PCDH15: variants seen among roughly 807,000 people sequenced by gnomAD.
PCDH15 encodes the protein protocadherin related 15.
A neutral mutation model predicts 178.5 loss-of-function variants in PCDH15; 129 were observed. The ratio of observed to expected loss-of-function variants is 0.72; its 90% confidence interval spans 0.63 to 0.84. The LOEUF (loss-of-function observed/expected upper bound fraction) is 0.84, where lower values mean the gene tolerates loss of function less well. Ranked by LOEUF, PCDH15 falls within the 40% of genes least tolerant of loss-of-function variation. The pLI, the probability that PCDH15 is intolerant of heterozygous loss-of-function variation, is 0.00. For missense variants in PCDH15, 2,230 were observed against 2,099.9 expected, an observed-to-expected ratio of 1.06 and a Z score of -1.21; for synonymous variants, 800 against 732.0, an observed-to-expected ratio of 1.09 and a Z score of -1.50.
In PCDH15 at chr10:55,220,774, C is replaced by A. The variant is rs1371316714; in HGVS notation, c.-155-54123G>T. 2.6e-5 allele frequency among the ~76,000 whole-genome samples: 4 copies of A among 151,756 alleles called. 1 individual carries two copies. The highest frequency in any genetic ancestry group is 7.3e-5 in the African/African-American group (3 of 41,250). On this transcript the variant is annotated intron_variant, in intron 1 of 5. Coordinates refer to the PCDH15 transcript ENST00000458638. ...TGTGGCACATAAATGGATATTTTTTCCTATGGATATAAAAATCATATATAT... is the reference window on the plus strand; with the variant it reads ...TGTGGCACATAAATGGATATTTTTTACTATGGATATAAAAATCATATATAT...
At chr10:54,556,003 A>G (rs546297083) in intron 2 of PCDH15, among the ~76,000 whole-genome samples, 1 of 152,236 alleles carries the variant, frequency 6.6e-6, no homozygotes, top group East Asian at 1.9e-4. Context: ...TGTCTAACAG[A>G]AAAATAATTA....
intron 1 of PCDH15, among the ~76,000 whole-genome samples, chr10:55,318,980 A>T: frequency 6.6e-6 from 1 of 152,214 alleles, no homozygotes; most frequent in African/African-American, 2.4e-5. Flanking sequence ...TTTTAAGGTG[A>T]GAATCTTATT....
chr10:55,152,033 G>A (rs1350930539), intron 2 of PCDH15, among the ~76,000 whole-genome samples: 1 of 151,994 alleles, frequency 6.6e-6, no homozygotes, highest in Non-Finnish European at 1.5e-5. Flanking sequence ...GATGTGGATG[G>A]GATGGTAAAA....
At chr10:55,155,181 G>A (rs919015351) in intron 2 of PCDH15, among the ~76,000 whole-genome samples, 1 of 152,106 alleles carries the variant, frequency 6.6e-6, no homozygotes, top group African/African-American at 2.4e-5. Flanking sequence ...TGATAAGTAA[G>A]TGAGACATTA....
At position 53,807,171 on chromosome 10, in the gene PCDH15, A is replaced by AATT. The variant is rs553672001; in HGVS notation, c.4672-44_4672-42dup. On this transcript the variant is annotated intron_variant, in intron 37 of 37. Coordinates refer to ENST00000644397, the MANE Select transcript of PCDH15 (RefSeq NM_001384140.1). ...AAAATATGTGAGTCACTATCAAATA[A>AATT]ATTAAAAAGGCAATGATTACATTGC... The AATT allele has an allele frequency of 1.2e-4, 177 of 1,469,942 alleles. 1 individual carries two copies. The South Asian group carries it at 2.2e-3, about 19-fold the overall frequency. 91.1% of individuals were successfully genotyped at this position (1,469,942 alleles called of 1,614,324 possible).
chr10:54,932,061 A>G (rs1706751), intron 2 of PCDH15, among the ~76,000 whole-genome samples: 20,486 of 152,210 alleles, frequency 0.13, 1,565 homozygotes, highest in East Asian at 0.23. Flanking sequence ...TAATAATGGA[A>G]CTGAAAAATC....
chr10:54,620,023 T>A (rs1223686718), intron 2 of PCDH15, among the ~76,000 whole-genome samples: 1 of 152,012 alleles, frequency 6.6e-6, no homozygotes, highest in Admixed American at 6.6e-5. Flanking sequence ...CATGGGAAAA[T>A]TATATAAAAT....
intron 2 of PCDH15, among the ~76,000 whole-genome samples, chr10:54,607,541 T>A (rs1266044038): frequency 6.6e-6 from 1 of 152,090 alleles, no homozygotes; most frequent in East Asian, 1.9e-4. Context: ...TGTTTATGTT[T>A]TGAACATTAT....
chr10:54,294,864 T>C (rs1323368894), intron 8 of PCDH15, among the ~76,000 whole-genome samples: 1 of 152,218 alleles, frequency 6.6e-6, no homozygotes, highest in African/African-American at 2.4e-5. Flanking sequence ...TTTCATAATA[T>C]ACACTGAAAC....
chr10:54,469,794 G>A (rs2077771809), intron 3 of PCDH15, among the ~76,000 whole-genome samples: 1 of 152,080 alleles, frequency 6.6e-6, no homozygotes, highest in Non-Finnish European at 1.5e-5. Flanking sequence ...AGTAGTGGAG[G>A]GTCAATCCTC....
At chr10:55,095,905 A>G (rs1200832516) in intron 2 of PCDH15, among the ~76,000 whole-genome samples, 5 of 152,058 alleles carry the variant, frequency 3.3e-5, no homozygotes, top group Non-Finnish European at 7.4e-5. Context: ...TAAGTGATTA[A>G]TTGAAAAATC....
intron 9 of PCDH15, among the ~76,000 whole-genome samples, chr10:54,222,229 T>C (rs891485143): frequency 2.0e-5 from 3 of 152,242 alleles, no homozygotes; most frequent in Admixed American, 1.3e-4. Flanking sequence ...TTAAGAATTT[T>C]TGGGCAGGGA....
At chr10:54,358,247 A>C (rs557452642) in intron 5 of PCDH15, among the ~76,000 whole-genome samples, 2 of 151,416 alleles carry the variant, frequency 1.3e-5, no homozygotes, top group African/African-American at 4.9e-5. Flanking sequence ...AATGGGAGAA[A>C]GTTTTCGCAA....
intron 2 of PCDH15, among the ~76,000 whole-genome samples, chr10:54,956,606 T>C (rs1342885764): frequency 6.6e-6 from 1 of 151,562 alleles, no homozygotes; most frequent in Admixed American, 6.6e-5. Flanking sequence ...TCACGGTATA[T>C]AAAATTAATA....
intron 8 of PCDH15, among the ~76,000 whole-genome samples, chr10:54,262,754 C>G (rs577075807): frequency 6.6e-6 from 1 of 152,202 alleles, no homozygotes; most frequent in South Asian, 2.1e-4. Flanking sequence ...CTTTGCAAGA[C>G]CAGACAACGA....
intron 5 of PCDH15, among the ~76,000 whole-genome samples, chr10:54,362,037 A>G (rs79258613): frequency 0.018 from 2,735 of 152,146 alleles, 88 homozygotes; most frequent in African/African-American, 0.062. Flanking sequence ...TGAACACACA[A>G]AGTTTGAGTC....
In PCDH15 at chr10:55,448,423, ATG is replaced by A. The variant is rs1346732435; in HGVS notation, c.-156+179200_-156+179201del. 1.6e-4 allele frequency among the ~76,000 whole-genome samples: 25 copies of A among 151,992 alleles called. 1 individual carries two copies. The highest frequency in any genetic ancestry group is 1.3e-3 in the Admixed American group (20 of 15,226). ...ATTTGTTCTTCCATATCCTGGGAAA[ATG>A]TGTGTTACAGGATGAGTTTATACCT... is the stretch of plus-strand genomic sequence containing the variant. On this transcript the variant is annotated intron_variant, in intron 2 of 5. Coordinates refer to the PCDH15 transcript ENST00000613346.
chr10:54,859,497 TG>T (rs939075968), intron 3 of PCDH15, among the ~76,000 whole-genome samples: 1 of 152,038 alleles, frequency 6.6e-6, no homozygotes, highest in African/African-American at 2.4e-5. Flanking sequence ...CATCTCATTT[TG>T]TACATGAACA....
intron 15 of PCDH15, among the ~76,000 whole-genome samples, chr10:54,115,548 G>A (rs569619549): frequency 1.3e-5 from 2 of 152,150 alleles, no homozygotes; most frequent in East Asian, 1.9e-4. Flanking sequence ...GGCAACCTGC[G>A]TCTAATGAAT....
Sources: allele counts gnomAD v4.1 joint callset (sites outside exome capture counted in the v4.1 genomes callset), GRCh38; gene constraint gnomAD v4.1.1; transcripts MANE v1.5; gene names NCBI Gene and HGNC (gene_info 2026-07-23, HGNC 2026-07-21).